Variants in LINC00237 observed in about 807,000 individuals in gnomAD.
LINC00237 encodes the protein long independently transcribed non-coding RNA 237.
At chr20:21,103,922 T>C (rs891384087) in intron 1 of LINC00237, among the ~76,000 whole-genome samples, 1 of 152,164 alleles carries the variant, frequency 6.6e-6, no homozygotes, top group Non-Finnish European at 1.5e-5. Context: ...GTTAGTCTCC[T>C]GGCATCAGTC....
intron 2 of LINC00237, chr20:21,093,265 A>T (rs1268763961): frequency 1.3e-5 from 2 of 152,222 alleles, no homozygotes; most frequent in African/African-American, 4.8e-5. Context: ...ATAAGTTTTG[A>T]TACAAAAAGG....
At chr20:21,102,188 C>T (rs537895996) in intron 1 of LINC00237, among the ~76,000 whole-genome samples, 1 of 152,372 alleles carries the variant, frequency 6.6e-6, no homozygotes, top group Non-Finnish European at 1.5e-5. Context: ...TCCGCGTCCC[C>T]ACTTCAAGGC....
At chr20:21,086,725 T>C (rs1397295209) in intron 3 of LINC00237, among the ~76,000 whole-genome samples, 10 of 31,094 alleles carry the variant, frequency 3.2e-4, no homozygotes, top group Admixed American at 1.1e-3. Context: ...ATATACTATA[T>C]ATAGTATACT....
At chr20:21,091,858 G>A (rs1053562214) in intron 2 of LINC00237, among the ~76,000 whole-genome samples, 1 of 152,182 alleles carries the variant, frequency 6.6e-6, no homozygotes, top group African/African-American at 2.4e-5. Context: ...CTTCAGAAAA[G>A]TGACATCTGT....
rs894933698 is a variant in LINC00237 at position 21,101,360 on chromosome 20, C to T, written n.88+4911G>A. ...GAAATAGGGGCTGACCCGCTAGCCC[C>T]CGCCAAACCGCGACCACCCTCACCT... On this transcript the variant is annotated intron_variant and non_coding_transcript_variant, in intron 1 of 3. Transcript: ENST00000691244. This position sits in a 1 kb window ranked among gnomAD's most constrained non-coding sequence, Gnocchi z 4.3. 6.6e-6 allele frequency: 1 copy of T among 152,180 alleles called. No homozygotes were observed. Among genetic ancestry groups the T allele is most frequent in the African/African-American group, 2.4e-5 (1 of 41,422 alleles). 9.4% of individuals were successfully genotyped at this position (152,180 alleles called of 1,614,324 possible). A position where few individuals can be genotyped will look rare whatever the true frequency, so the allele number is the denominator to read the frequency against.
chr20:21,092,839 T>G (rs1439253840), intron 2 of LINC00237: 1 of 152,230 alleles, frequency 6.6e-6, no homozygotes, highest in Non-Finnish European at 1.5e-5. Context: ...TAAATACAAC[T>G]TTGTGCCAGG....
intron 1 of LINC00237, among the ~76,000 whole-genome samples, chr20:21,105,421 G>A (rs1276851553): frequency 6.6e-6 from 1 of 152,104 alleles, no homozygotes; most frequent in African/African-American, 2.4e-5. Context: ...CCTGTGTCCC[G>A]CAAGTGGTTT....
Position 21,089,072 on chromosome 20 carries a change from T to G in LINC00237, n.473-1042A>C, listed in dbSNP as rs981446035. Among the ~76,000 whole-genome samples, 3 of 151,738 alleles carry G rather than the reference T, an allele frequency of 2.0e-5. No individual in the cohort carries two copies. In the East Asian group the frequency reaches 5.8e-4, roughly 29 times the overall value. The stretch of plus-strand genomic sequence containing the variant: ...TCAGAATGGAGCAACATTGTCACAG[T>G]GAGGAGTAGGTGTGCCCGTGTATGT... On this transcript the variant is annotated intron_variant and non_coding_transcript_variant, in intron 2 of 3. Transcript: ENST00000691244.
chr20:21,094,390 GA>G (rs2030829702), intron 1 of LINC00237, among the ~76,000 whole-genome samples: 1 of 152,132 alleles, frequency 6.6e-6, no homozygotes, highest in Non-Finnish European at 1.5e-5. Context: ...CCAACAATAA[GA>G]GGCAACAAAA....
rs182385657 is a variant in LINC00237, at chr20:21,086,746, T to C, written n.560-858A>G. 2.6e-3 allele frequency among the ~76,000 whole-genome samples: 321 copies of C among 124,808 alleles called. 1 individual carries two copies. The highest frequency in any genetic ancestry group is 0.014 in the Middle Eastern group (2 of 146). 81.9% of individuals were successfully genotyped at this position (124,808 alleles called of 152,430 possible). ...TATATATAGTATACTATACTATACA[T>C]GTACTATATATATACATATACTATA... On this transcript the variant is annotated intron_variant and non_coding_transcript_variant, in intron 3 of 3. Transcript: ENST00000691244.
chr20:21,096,615 G>A (rs1568885909), intron 1 of LINC00237, among the ~76,000 whole-genome samples: 1 of 152,292 alleles, frequency 6.6e-6, no homozygotes, highest in East Asian at 1.9e-4. Context: ...GTGGACAAGT[G>A]GAACTATAAG....
intron 1 of LINC00237, among the ~76,000 whole-genome samples, chr20:21,104,464 T>G (rs1175867753): frequency 6.6e-6 from 1 of 152,234 alleles, no homozygotes; most frequent in Non-Finnish European, 1.5e-5. Flanking sequence ...AAATCCTCTT[T>G]AGTTACCACT....
At chr20:21,092,971 C>G (rs958961663) in intron 2 of LINC00237, 1 of 152,144 alleles carries the variant, frequency 6.6e-6, no homozygotes. Flanking sequence ...TCTTGCACAT[C>G]TAATAGGGTT....
intron 2 of LINC00237, chr20:21,089,791 A>C (rs1245359187): frequency 6.6e-6 from 1 of 152,236 alleles, no homozygotes; most frequent in East Asian, 1.9e-4. Flanking sequence ...AATACTCGAT[A>C]AAATAGCTTA....
rs75881532 is a variant in LINC00237, at chr20:21,088,913, T to C, written n.473-883A>G. On this transcript the variant is annotated intron_variant and non_coding_transcript_variant, in intron 2 of 3. Transcript: ENST00000691244. ...CTGGAAGGAATCACTATACGAATAC[T>C]GCATTCCTAGTGTATGTGTAACCCA... Among the ~76,000 whole-genome samples the C allele has an allele frequency of 9.9e-3, 1,507 of 152,214 alleles. 23 individuals carry two copies. The highest frequency in any genetic ancestry group is 0.035 in the African/African-American group (1,433 of 41,528).
chr20:21,096,438 G>A (rs1403849236), intron 1 of LINC00237, among the ~76,000 whole-genome samples: 6 of 152,150 alleles, frequency 3.9e-5, no homozygotes, highest in Non-Finnish European at 5.9e-5. Flanking sequence ...TGCCACTGGC[G>A]AATGTTTAGT....
chr20:21,086,922 C>T (rs866474011), intron 3 of LINC00237, among the ~76,000 whole-genome samples: 115 of 131,964 alleles, frequency 8.7e-4, no homozygotes, highest in African/African-American at 1.2e-3. Context: ...AGTATATATA[C>T]ACTATATATG....
chr20:21,098,240 G>C (rs1387657184), intron 1 of LINC00237, among the ~76,000 whole-genome samples: 1 of 152,150 alleles, frequency 6.6e-6, no homozygotes. Flanking sequence ...GCTGACTAGA[G>C]GAGTCTGAAT....
Position 21,097,462 on chromosome 20 carries a change from T to C in LINC00237, n.89-3610A>G, listed in dbSNP as rs887018590. Among the ~76,000 whole-genome samples the C allele has an allele frequency of 8.6e-5, 13 of 152,026 alleles. No individual in the cohort carries two copies. In the East Asian group the frequency reaches 2.3e-3, roughly 27 times the overall value. On this transcript the variant is annotated intron_variant and non_coding_transcript_variant, in intron 1 of 3. Transcript: ENST00000691244. ...GCTCTGCACTGTTCTTTTATGTCAA[T>C]TTAAAAAAAAAATCCTTTATGCTCC...
Sources: gnomAD v4.1 joint callset for allele counts (sites outside exome capture counted in the v4.1 genomes callset) on GRCh38, gnomAD v4.1.1 for gene constraint, Gnocchi (gnomAD v3.1) non-coding constraint, MANE v1.5 for transcripts, NCBI Gene and HGNC (gene_info 2026-07-23, HGNC 2026-07-21) for gene names.